Variants in ALOX5AP observed in about 807,000 individuals in gnomAD.
ALOX5AP encodes arachidonate 5-lipoxygenase activating protein.
ALOX5AP carries 9 observed loss-of-function variants against 18.5 expected under a neutral mutation model. The ratio of observed to expected loss-of-function variants is 0.49; its 90% CI spans 0.29 to 0.85. The LOEUF (loss-of-function observed/expected upper bound fraction) is 0.85. ALOX5AP is among the 40% of genes least tolerant of loss of function. The probability of loss-of-function intolerance (pLI) is 0.08; values close to 1 mark genes in which losing one functional copy is unlikely to be tolerated. For missense variants in ALOX5AP, 172 were observed against 202.5 expected (o/e 0.85, Z 0.91); for synonymous variants, 81 against 78.6 (o/e 1.03, Z -0.16).
intron 1 of ALOX5AP, among the ~76,000 whole-genome samples, chr13:30,741,391 C>CTTTTTTTTT (rs34793607): frequency 2.3e-5 from 3 of 128,774 alleles, no homozygotes; most frequent in Non-Finnish European, 4.9e-5. Context: ...CTTGTTTTGT[C>CTTTTTTTTT]TTTTTTTTTT....
Position 30,735,621 on chromosome 13 carries a change from G to A in ALOX5AP, c.16G>A (p.Val6Ile). 3 of 1,614,124 alleles carry A rather than the reference G, an allele frequency of 1.9e-6. No homozygotes were observed. The highest frequency in any genetic ancestry group is 2.5e-6 in the Non-Finnish European group (3 of 1,180,016). MDQET[V>I]GNVVLLAIVT... Reference sequence around the variant, plus strand: ...TGAAGCAAACATGGATCAAGAAACTGTAGGCAATGTTGTCCTGTTGGCCAT... The same window carrying A: ...TGAAGCAAACATGGATCAAGAAACTATAGGCAATGTTGTCCTGTTGGCCAT... Residue 6 changes from valine (V) to isoleucine (I), a missense_variant, in exon 1 of 5, where the codon GTA becomes ATA. Physicochemically the swap from Val to Ile is conservative, Grantham distance 29 (BLOSUM62 3). Coordinates refer to ENST00000380490, the MANE Select transcript of ALOX5AP (RefSeq NM_001629.4).
chr13:30,760,623 G>A (rs533838977), intron 4 of ALOX5AP, among the ~76,000 whole-genome samples: 1 of 152,198 alleles, frequency 6.6e-6, no homozygotes, highest in Non-Finnish European at 1.5e-5. Context: ...TGCAAAGCAC[G>A]GGATTCTGGC....
intron 2 of ALOX5AP, among the ~76,000 whole-genome samples, chr13:30,745,055 CT>C (rs1389850928): frequency 6.6e-6 from 1 of 152,216 alleles, no homozygotes. Context: ...AAGATTCACA[CT>C]GCAGGGTTGG....
At chr13:30,731,689 C>A (rs888568259), upstream of ALOX5AP, among the ~76,000 whole-genome samples, 1 of 152,216 alleles carries the variant, frequency 6.6e-6, no homozygotes, top group African/African-American at 2.4e-5. Context: ...TTTTTAACCC[C>A]TCTGAACCTC....
At chr13:30,755,635 C>CA (rs1226421985) in intron 3 of ALOX5AP, among the ~76,000 whole-genome samples, 6 of 151,742 alleles carry the variant, frequency 4.0e-5, no homozygotes, top group Non-Finnish European at 5.9e-5. Flanking sequence ...AAAAACGTTG[C>CA]AAAAAAAATC....
rs77451594 is a variant in ALOX5AP, at chr13:30,757,079, G to A, written c.323+1054G>A. On this transcript the variant is annotated intron_variant, in intron 4 of 4. Transcript: ENST00000380490. ...GTATGGTTTCAGGTGCCAGGAACAC[G>A]TTCTGTGAGGCTGCTGCCCCAGGTG... 1.6e-3 allele frequency among the ~76,000 whole-genome samples: 248 copies of A among 152,272 alleles called. 1 individual carries two copies. Among genetic ancestry groups the A allele is most frequent in the African/African-American group, 5.6e-3 (232 of 41,550 alleles).
intron 2 of ALOX5AP, among the ~76,000 whole-genome samples, chr13:30,748,568 G>GCATCTATT (rs1167666684): frequency 2.0e-5 from 3 of 152,130 alleles, no homozygotes; most frequent in Non-Finnish European, 4.4e-5. Context: ...CATCAGTTCT[G>GCATCTATT]TTTTGCAGAA....
chr13:30,731,281 G>A (rs1187962161), upstream of ALOX5AP, among the ~76,000 whole-genome samples: 1 of 152,130 alleles, frequency 6.6e-6, no homozygotes, highest in South Asian at 2.1e-4. Context: ...GTAGCAGCAC[G>A]TAGGGTGATT....
At chr13:30,720,378 T>TA (rs1337686276) in intron 1 of ALOX5AP, among the ~76,000 whole-genome samples, 1 of 152,240 alleles carries the variant, frequency 6.6e-6, no homozygotes, top group African/African-American at 2.4e-5. Flanking sequence ...TCTAATGCAG[T>TA]AAACATATAA....
intron 4 of ALOX5AP, among the ~76,000 whole-genome samples, chr13:30,760,964 C>T (rs1475725715): frequency 6.6e-6 from 1 of 152,126 alleles, no homozygotes; most frequent in African/African-American, 2.4e-5. Context: ...GCTAATGACC[C>T]TGGTGTGCGC....
rs199519956 is a variant in ALOX5AP, at chr13:30,763,455, A to C, written c.324-489A>C. Among the ~76,000 whole-genome samples, 13 of 152,376 alleles carry C rather than the reference A, an allele frequency of 8.5e-5. No individual in the cohort carries two copies. The East Asian group carries it at 2.3e-3, about 27-fold the overall frequency. The stretch of plus-strand genomic sequence containing the variant: ...TTCCAGTCAGCCTCAGGAGAATAGA[A>C]TGAGCCCTCAGATGCCGAAGCACCT... On this transcript the variant is annotated intron_variant, in intron 4 of 4. Coordinates refer to ENST00000380490, the MANE Select transcript of ALOX5AP (RefSeq NM_001629.4).
At position 30,764,213 on chromosome 13, in the gene ALOX5AP, A is replaced by G. The variant is rs1951971132; in HGVS notation, c.*107A>G. 2 of 1,273,700 alleles carry G rather than the reference A, an allele frequency of 1.6e-6. No homozygotes were observed. Among genetic ancestry groups the G allele is most frequent in the East Asian group, 2.5e-5 (1 of 40,426 alleles). 78.9% of individuals were successfully genotyped at this position (1,273,700 alleles called of 1,614,324 possible). On this transcript the variant is annotated 3_prime_UTR_variant, in exon 5 of 5. Transcript: ENST00000380490. The stretch of plus-strand genomic sequence containing the variant: ...CTCTTCTTTAGATGGCTGTAAATCT[A>G]TTGGCCATCTGGGCTTCACAGCTTG...
upstream of ALOX5AP, among the ~76,000 whole-genome samples, chr13:30,734,025 G>C (rs112274901): frequency 3.3e-5 from 5 of 152,186 alleles, no homozygotes. Flanking sequence ...TCTCCAGCTT[G>C]CAGATGGCAA....
chr13:30,758,692 G>A (rs577242317), intron 4 of ALOX5AP, among the ~76,000 whole-genome samples: 1 of 152,226 alleles, frequency 6.6e-6, no homozygotes, highest in African/African-American at 2.4e-5. Flanking sequence ...CCTCTATCCT[G>A]TTTAGTTCAC....
chr13:30,725,805 G>C lies in ALOX5AP; in HGVS notation c.117-9746G>C, dbSNP rs1175202141. ...GTAATCTTACAGCAAAGGAAGTACAGATATGAGCTTCTGATCATGGGCTTC... is the reference window on the plus strand; with the variant it reads ...GTAATCTTACAGCAAAGGAAGTACACATATGAGCTTCTGATCATGGGCTTC... On this transcript the variant is annotated intron_variant, in intron 1 of 5. Transcript: ENST00000617770. Among the ~76,000 whole-genome samples, 4 of 152,328 alleles carry C rather than the reference G, an allele frequency of 2.6e-5. No individual in the cohort carries two copies. The East Asian group carries it at 7.7e-4, about 29-fold the overall frequency.
At chr13:30,756,846 A>G (rs1163948511) in intron 4 of ALOX5AP, among the ~76,000 whole-genome samples, 1 of 147,394 alleles carries the variant, frequency 6.8e-6, no homozygotes, top group Non-Finnish European at 1.5e-5. Flanking sequence ...AAAAAGATGC[A>G]GACACGAGAC....
intron 1 of ALOX5AP, chr13:30,713,885 C>T: frequency 6.6e-7 from 1 of 1,522,368 alleles, no homozygotes; most frequent in Non-Finnish European, 8.8e-7. Context: ...TGTGCATCTT[C>T]TACCATGCCT....
At position 30,739,241 on chromosome 13, in the gene ALOX5AP, A is replaced by G. The variant is rs1593435406; in HGVS notation, c.70+3566A>G. Among the ~76,000 whole-genome samples the G allele has an allele frequency of 2.6e-5, 4 of 152,240 alleles. No homozygotes were observed. In the East Asian group the frequency reaches 7.7e-4, roughly 29 times the overall value. On this transcript the variant is annotated intron_variant, in intron 1 of 4. Coordinates refer to ENST00000380490, the MANE Select transcript of ALOX5AP (RefSeq NM_001629.4). ...CCTGCTGTGCTTAGTTTTATCTCAT[A>G]TAATCTTTGCACCATTTAATCCTTG... is the stretch of plus-strand genomic sequence containing the variant.
intron 1 of ALOX5AP, among the ~76,000 whole-genome samples, chr13:30,715,713 G>A (rs899831206): frequency 6.6e-6 from 1 of 152,152 alleles, no homozygotes; most frequent in South Asian, 2.1e-4. Flanking sequence ...TTCAGATGCC[G>A]AGGCATTTTG....
Sources: allele counts gnomAD v4.1 joint callset (sites outside exome capture counted in the v4.1 genomes callset), GRCh38; gene constraint gnomAD v4.1.1; transcripts MANE v1.5; gene names NCBI Gene and HGNC (gene_info 2026-07-23, HGNC 2026-07-21).